The following TBC1D30 variants were observed in gnomAD, a reference collection of about 807,000 sequenced individuals.
TBC1D30 encodes TBC1 domain family member 30.
TBC1D30 carries 31 observed loss-of-function variants against 63.2 expected under a neutral mutation model. The ratio of observed to expected loss-of-function variants is 0.49; its 90% confidence interval spans 0.37 to 0.66. TBC1D30 has a LOEUF of 0.66. Among genes scored for constraint, TBC1D30 ranks in the 30% least tolerant of loss-of-function variants. The pLI, the probability that TBC1D30 is intolerant of heterozygous loss-of-function variation, is 0.00. For synonymous variants in TBC1D30, 307 were observed against 361.5 expected (o/e 0.85, Z 1.71); for missense variants, 810 against 953.6 (o/e 0.85, Z 1.98).
intron 8 of TBC1D30, among the ~76,000 whole-genome samples, chr12:64,851,968 A>T (rs1876912711): frequency 6.6e-6 from 1 of 151,656 alleles, no homozygotes; most frequent in Admixed American, 6.6e-5. Context: ...CTTCATTTCA[A>T]CCTTGGTGAA....
chr12:64,831,761 A>G (rs1161181197), intron 4 of TBC1D30, among the ~76,000 whole-genome samples: 2 of 152,284 alleles, frequency 1.3e-5, no homozygotes, highest in African/African-American at 2.4e-5. Flanking sequence ...TCATACATGT[A>G]TTGTGATGAC....
chr12:64,795,808 G>GC (rs1171531836), intron 2 of TBC1D30, among the ~76,000 whole-genome samples: 3 of 8,418 alleles, frequency 3.6e-4, no homozygotes, highest in Non-Finnish European at 4.3e-4. Context: ...AAAGTTAGAT[G>GC]CTTTTTTTTT....
intron 8 of TBC1D30, among the ~76,000 whole-genome samples, chr12:64,845,770 G>A (rs1270649): frequency 9.3e-5 from 14 of 150,698 alleles, no homozygotes; most frequent in Middle Eastern, 7.0e-3. Context: ...AGCGATTCTC[G>A]TGCCTCAGCC....
chr12:64,780,461 A>G (rs555700291), upstream of TBC1D30, among the ~76,000 whole-genome samples: 1 of 152,344 alleles, frequency 6.6e-6, no homozygotes, highest in East Asian at 1.9e-4. Flanking sequence ...CGGCGGCCTC[A>G]GCGCCCTCCC....
At chr12:64,871,307 G>C (rs1414170855) in intron 11 of TBC1D30, among the ~76,000 whole-genome samples, 5 of 152,142 alleles carry the variant, frequency 3.3e-5, no homozygotes, top group Non-Finnish European at 7.4e-5. Flanking sequence ...AATATACTAA[G>C]AAGAACACAA....
intron 2 of TBC1D30, among the ~76,000 whole-genome samples, chr12:64,819,266 T>C (rs2136342227): frequency 6.6e-6 from 1 of 152,264 alleles, no homozygotes; most frequent in East Asian, 1.9e-4. Flanking sequence ...GGTAATGTGA[T>C]CTGTCAAATA....
At position 64,876,453 on chromosome 12, in the gene TBC1D30, AGATCT is replaced by A. The variant is rs1343705353; in HGVS notation, c.*666_*670del. On this transcript the variant is annotated 3_prime_UTR_variant, in exon 12 of 12. Coordinates refer to ENST00000539867, the MANE Select transcript of TBC1D30 (RefSeq NM_015279.2). Reference sequence around the variant, plus strand: ...AAATTTCAATCGATAACCCAGCTGAAGATCTTATGCACAGGACACACTTGGCATAT... The same window carrying A: ...AAATTTCAATCGATAACCCAGCTGAATATGCACAGGACACACTTGGCATAT... 3 of 165,990 alleles carry A rather than the reference AGATCT, an allele frequency of 1.8e-5. No individual in the cohort carries two copies. The highest frequency in any genetic ancestry group is 3.9e-5 in the Non-Finnish European group (3 of 76,622). The allele number at this position is 165,990 out of a possible 1,614,324, so 10.3% of individuals were successfully genotyped here. A position where few individuals can be genotyped will look rare whatever the true frequency, so the allele number is the denominator to read the frequency against.
At chr12:64,856,220 C>A (rs1877287777) in intron 8 of TBC1D30, among the ~76,000 whole-genome samples, 2 of 152,158 alleles carry the variant, frequency 1.3e-5, no homozygotes, top group African/African-American at 2.4e-5. Context: ...TATGTGAACT[C>A]AGAGCAAGAG....
chr12:64,832,140 A>G lies in TBC1D30; in HGVS notation c.430A>G (p.Ser144Gly). 6.5e-7 allele frequency: 1 copy of G among 1,535,912 alleles called. No homozygotes were observed. Among genetic ancestry groups the G allele is most frequent in the Non-Finnish European group, 8.7e-7 (1 of 1,146,766 alleles). ...TTAGGACCTTCACCGCACAGGCTGT[A>G]GTTCTTACTGTGGCCAGGAGGCTGA... is the stretch of plus-strand genomic sequence containing the variant. Reference protein sequence around the residue: ...IVKDLHRTGCSSYCGQEAEQD... With the variant: ...IVKDLHRTGCGSYCGQEAEQD... Residue 144 changes from serine (S) to glycine (G), a missense_variant, in exon 5 of 12, where the codon AGT (serine) becomes GGT (glycine). Ser to Gly is a moderately conservative substitution (Grantham distance 56). This residue lies in a region of TBC1D30 where 272 missense variants were observed against 335.9 expected (regional missense o/e 0.81). Transcript: ENST00000539867.
Position 64,875,541 on chromosome 12 carries a change from G to A in TBC1D30, c.2039G>A (p.Arg680Gln), listed in dbSNP as rs553551431. 41 of 1,536,116 alleles carry A rather than the reference G, an allele frequency of 2.7e-5. No homozygotes were observed. In the African/African-American group the frequency reaches 4.2e-4, roughly 16 times the overall value. Residue 680 changes from arginine to glutamine, a missense_variant, in exon 12 of 12, where the codon CGG becomes CAG. Physicochemically the swap from Arg to Gln is conservative, Grantham distance 43 (BLOSUM62 1). Around this residue, in one of 4 missense-constraint regions of TBC1D30, gnomAD observed 450 missense variants for 473.0 expected, o/e 0.95. Coordinates refer to ENST00000539867, the MANE Select transcript of TBC1D30 (RefSeq NM_015279.2). ...TELRVHPPCQ[R>Q]HCPEPPSAPE... ...CTCAGGGTGCACCCACCCTGCCAGC[G>A]GCACTGCCCAGAGCCGCCGAGTGCA...
At chr12:64,780,734 C>T in exon 1 of TBC1D30, 2 of 984,660 alleles carry the variant, frequency 2.0e-6, no homozygotes, top group Non-Finnish European at 2.4e-6. Context: ...GACGAAGCCG[C>T]GCCTCCTCCC....
rs150092105 is a variant in TBC1D30 at position 64,835,154 on chromosome 12, C to G, written c.595-1336C>G. On this transcript the variant is annotated intron_variant, in intron 5 of 11. Coordinates refer to ENST00000539867, the MANE Select transcript of TBC1D30 (RefSeq NM_015279.2). ...GACAGAATTTACTCCTTTCTTGTTG[C>G]TGAGCTCTTATTTGCAAGATGATGT... is the stretch of plus-strand genomic sequence containing the variant. 1.6e-3 allele frequency among the ~76,000 whole-genome samples: 244 copies of G among 152,256 alleles called. No individual in the cohort carries two copies. In the Middle Eastern group the frequency reaches 0.027, roughly 17 times the overall value.
intron 2 of TBC1D30, among the ~76,000 whole-genome samples, chr12:64,799,155 G>A (rs1469523868): frequency 1.3e-5 from 2 of 151,980 alleles, no homozygotes; most frequent in Non-Finnish European, 2.9e-5. Flanking sequence ...ATGTGCCTCT[G>A]GAGAGCTGAT....
At chr12:64,804,596 G>T (rs924920656) in intron 2 of TBC1D30, among the ~76,000 whole-genome samples, 2 of 152,248 alleles carry the variant, frequency 1.3e-5, no homozygotes, top group East Asian at 3.9e-4. Context: ...TCCAGTTTTT[G>T]CCCATTCAGT....
At chr12:64,760,981 CT>C (rs538703946) in intron 1 of TBC1D30, among the ~76,000 whole-genome samples, 60 of 146,938 alleles carry the variant, frequency 4.1e-4, no homozygotes, top group Admixed American at 5.4e-4. Context: ...GATCTTAATA[CT>C]TTTTTTTTTT....
At chr12:64,832,029 G>C (rs11829183) in intron 4 of TBC1D30, 90 bp from the exon 5 acceptor site, 9 of 1,234,554 alleles carry the variant, frequency 7.3e-6, no homozygotes, top group Non-Finnish European at 9.6e-6. Flanking sequence ...TCGATGATTT[G>C]ACTCTGTTTA....
In TBC1D30 at chr12:64,875,096, A is replaced by C; in HGVS notation, c.1594A>C (p.Arg532=). 2 of 1,536,536 alleles carry C rather than the reference A, an allele frequency of 1.3e-6. No individual in the cohort carries two copies. Among genetic ancestry groups the C allele is most frequent in the African/African-American group, 1.4e-5 (1 of 73,180 alleles). ...AGGAAAGAAGATGAAAATGACTAACAGAGCTGCCAAGAATGCTGTCATCCA... is the reference window on the plus strand; with the variant it reads ...AGGAAAGAAGATGAAAATGACTAACCGAGCTGCCAAGAATGCTGTCATCCA... ...LLGKKMKMTN[R]AAKNAVIHIP... Residue 532 remains arginine, a synonymous_variant, in exon 12 of 12, where the codon AGA becomes CGA. Coordinates refer to ENST00000539867, the MANE Select transcript of TBC1D30 (RefSeq NM_015279.2).
At chr12:64,839,985 A>G (rs951764210) in intron 7 of TBC1D30, among the ~76,000 whole-genome samples, 2 of 131,598 alleles carry the variant, frequency 1.5e-5, no homozygotes, top group African/African-American at 6.0e-5. Flanking sequence ...AGCCTGGACG[A>G]CAGAGCAAGA....
chr12:64,798,258 A>G (rs1315439601), intron 2 of TBC1D30, among the ~76,000 whole-genome samples: 2 of 152,244 alleles, frequency 1.3e-5, no homozygotes, highest in African/African-American at 4.8e-5. Flanking sequence ...ATAAAAAATT[A>G]CAGTATAATA....
Sources: allele counts gnomAD v4.1 joint callset (sites outside exome capture counted in the v4.1 genomes callset), GRCh38; gene constraint gnomAD v4.1.1; regional missense constraint gnomAD v4.1.1; transcripts MANE v1.5; gene names NCBI Gene and HGNC (gene_info 2026-07-23, HGNC 2026-07-21).